FGGY: variants seen among roughly 807,000 people sequenced by gnomAD.
The protein encoded by FGGY is FGGY carbohydrate kinase domain-containing protein.
In FGGY, 72 loss-of-function variants were observed where a neutral mutation model predicts 71.3. That is an observed-to-expected ratio of 1.01 (90% CI 0.84 to 1.23). The LOEUF is 1.23. Ranked by LOEUF, FGGY falls within the 50% of genes most tolerant of loss-of-function variation. The probability of loss-of-function intolerance (pLI) is 0.00; values close to 1 mark genes in which losing one functional copy is unlikely to be tolerated. For synonymous variants in FGGY, 251 were observed against 250.3 expected (o/e 1.00, Z -0.02); for missense variants, 668 against 682.3 (o/e 0.98, Z 0.23).
intron 6 of FGGY, among the ~76,000 whole-genome samples, chr1:59,479,397 T>C (rs1185634388): frequency 2.0e-5 from 3 of 152,196 alleles, no homozygotes; most frequent in Admixed American, 2.0e-4. Context: ...GTCTGATTGC[T>C]GATAAGAAGA....
At chr1:59,757,097 G>A (rs956146724) in intron 14 of FGGY, among the ~76,000 whole-genome samples, 30 of 152,070 alleles carry the variant, frequency 2.0e-4, no homozygotes, top group Non-Finnish European at 1.2e-4. Context: ...TTCAATAGCC[G>A]TTCCTAAGAC....
In FGGY at chr1:59,698,879, T is replaced by C. The variant is rs2097686797; in HGVS notation, c.1512+24746T>C. 7 of 985,338 alleles carry C rather than the reference T, an allele frequency of 7.1e-6. No homozygotes were observed. The African/African-American group carries it at 1.0e-4, about 15-fold the overall frequency. The allele number at this position is 985,338 out of a possible 1,614,324, so 61.0% of individuals were successfully genotyped here. ...CTTAAATAATAATGAAACTGAATTG[T>C]ACATGTCGTATGTTTTATGTGGCAC... is the stretch of plus-strand genomic sequence containing the variant. On this transcript the variant is annotated intron_variant, in intron 14 of 15. Transcript: ENST00000303721.
At chr1:59,597,739 G>A (rs946696013) in intron 8 of FGGY, among the ~76,000 whole-genome samples, 1 of 152,214 alleles carries the variant, frequency 6.6e-6, no homozygotes, top group African/African-American at 2.4e-5. Context: ...AGGTCACACA[G>A]CAGAGACTCT....
intron 6 of FGGY, among the ~76,000 whole-genome samples, chr1:59,459,736 A>G (rs967750474): frequency 1.1e-4 from 17 of 152,354 alleles, no homozygotes; most frequent in African/African-American, 4.1e-4. Flanking sequence ...AAGATAAGCA[A>G]CATCCCACCT....
intron 5 of FGGY, among the ~76,000 whole-genome samples, chr1:59,447,068 T>C (rs935230505): frequency 6.6e-6 from 1 of 152,146 alleles, no homozygotes; most frequent in Admixed American, 6.5e-5. Flanking sequence ...ACCCTTTCGC[T>C]TTGTTTCTGA....
At chr1:59,753,477 T>C (rs1016123215) in intron 14 of FGGY, among the ~76,000 whole-genome samples, 1 of 69,828 alleles carries the variant, frequency 1.4e-5, no homozygotes, top group Non-Finnish European at 3.0e-5. Flanking sequence ...AATATATATA[T>C]ATATATATAT....
At chr1:59,508,226 A>G (rs2094441252) in intron 6 of FGGY, among the ~76,000 whole-genome samples, 2 of 152,098 alleles carry the variant, frequency 1.3e-5, no homozygotes, top group South Asian at 2.1e-4. Flanking sequence ...CCTTTCTAGC[A>G]TTTTCTACAT....
chr1:59,762,507 T>C lies in FGGY; in HGVS notation c.1579T>C (p.Tyr527His), dbSNP rs780271668. The C allele has an allele frequency of 4.3e-5, 69 of 1,611,678 alleles. No homozygotes were observed. The highest frequency in any genetic ancestry group is 5.4e-5 in the Non-Finnish European group (64 of 1,178,274). ...VFPRLQDKKY[Y>H]DKKYQVFLKL... Reference sequence around the variant, plus strand: ...ATATTTATATTTCTCCCACAGATACTATGATAAGAAATACCAAGTATTCCT... The same window carrying C: ...ATATTTATATTTCTCCCACAGATACCATGATAAGAAATACCAAGTATTCCT... The change falls in exon 16 of 16, where the codon TAT (tyrosine) becomes CAT (histidine). Residue 527 changes from tyrosine to histidine, a missense_variant. This residue lies in a region of FGGY where 661 missense variants were observed against 661.6 expected (regional missense o/e 1.00). Transcript: ENST00000303721.
intron 6 of FGGY, among the ~76,000 whole-genome samples, chr1:59,493,100 C>CACAA (rs2093924458): frequency 7.0e-6 from 1 of 143,052 alleles, no homozygotes; most frequent in Non-Finnish European, 1.5e-5. Context: ...AAACAAAACA[C>CACAA]ACACACACAC....
At chr1:59,298,527 TGTTA>T (rs2042302221) in intron 1 of FGGY, among the ~76,000 whole-genome samples, 1 of 152,244 alleles carries the variant, frequency 6.6e-6, no homozygotes, top group African/African-American at 2.4e-5. Flanking sequence ...TTCCAGGCTG[TGTTA>T]GTTTTTGTTG....
At chr1:59,344,549 A>G (rs2051385773) in intron 3 of FGGY, among the ~76,000 whole-genome samples, 1 of 152,158 alleles carries the variant, frequency 6.6e-6, no homozygotes, top group Non-Finnish European at 1.5e-5. Context: ...ATATGTGTAT[A>G]CCCACAACAA....
intron 2 of FGGY, among the ~76,000 whole-genome samples, chr1:59,338,825 G>C (rs923558325): frequency 1.3e-5 from 2 of 151,958 alleles, no homozygotes; most frequent in Non-Finnish European, 2.9e-5. Flanking sequence ...AATAAGATAC[G>C]TGCATTTTTA....
chr1:59,466,189 G>A (rs1449003440), intron 6 of FGGY, among the ~76,000 whole-genome samples: 1 of 152,140 alleles, frequency 6.6e-6, no homozygotes. Flanking sequence ...AGAGCCCTCA[G>A]AAATAACACC....
rs1054777331 is a variant in FGGY, at chr1:59,760,854, A to G, written c.1575-1649A>G. 2.0e-5 allele frequency among the ~76,000 whole-genome samples: 3 copies of G among 152,238 alleles called. No homozygotes were observed. In the East Asian group the frequency reaches 5.8e-4, roughly 29 times the overall value. ...TTGAGATTCTAAAGTCAAGAAATCT[A>G]TCTCATGTAGTGAAAGAATTCCTTA... On this transcript the variant is annotated intron_variant, in intron 15 of 15. Coordinates refer to ENST00000303721, the MANE Select transcript of FGGY (RefSeq NM_018291.5).
intron 9 of FGGY, among the ~76,000 whole-genome samples, chr1:59,615,372 C>G (rs1394113231): frequency 6.6e-6 from 1 of 152,092 alleles, no homozygotes; most frequent in Non-Finnish European, 1.5e-5. Flanking sequence ...TGATTTTTGA[C>G]AAATCTGACA....
In FGGY at chr1:59,499,299, G is replaced by GTTTT. The variant is rs58170089; in HGVS notation, c.671-12999_671-12996dup. Among the ~76,000 whole-genome samples the GTTTT allele has an allele frequency of 3.7e-4, 39 of 105,820 alleles. 4 individuals are homozygous for GTTTT. Among genetic ancestry groups the GTTTT allele is most frequent in the Non-Finnish European group, 5.4e-4 (29 of 54,068 alleles). 69.4% of individuals were successfully genotyped at this position (105,820 alleles called of 152,430 possible). On this transcript the variant is annotated intron_variant, in intron 6 of 15. Transcript: ENST00000303721. ...ACTGAACCCTATGTATACTATGTTTGTTTTTTTTTTTTTTTTGATCTGGTA... is the reference window on the plus strand; with the variant it reads ...ACTGAACCCTATGTATACTATGTTTGTTTTTTTTTTTTTTTTTTTTGATCTGGTA...
At position 59,367,302 on chromosome 1, in the gene FGGY, G is replaced by A. The variant is rs555582948; in HGVS notation, c.466-11447G>A. On this transcript the variant is annotated intron_variant, in intron 4 of 15. Transcript: ENST00000303721. The stretch of plus-strand genomic sequence containing the variant: ...TTATGACCTACTCCATGCTTCCAGC[G>A]TCATATTTCTTTTAAGAATGACATT... 1.1e-4 allele frequency among the ~76,000 whole-genome samples: 17 copies of A among 152,278 alleles called. No homozygotes were observed. The South Asian group carries it at 2.7e-3, about 24-fold the overall frequency.
chr1:59,441,324 C>T (rs2030480), intron 5 of FGGY, among the ~76,000 whole-genome samples: 53,771 of 151,806 alleles, frequency 0.35, 10,062 homozygotes, highest in Middle Eastern at 0.49. Context: ...AGTTTGGGCC[C>T]AATATTGGTT....
chr1:59,468,453 C>T (rs1049278963), intron 6 of FGGY, among the ~76,000 whole-genome samples: 1 of 152,134 alleles, frequency 6.6e-6, no homozygotes, highest in African/African-American at 2.4e-5. Context: ...GACTCCTTCA[C>T]AGAAGGAAAA....
Sources: gnomAD v4.1 joint callset for allele counts (sites outside exome capture counted in the v4.1 genomes callset) on GRCh38, gnomAD v4.1.1 for gene constraint, gnomAD v4.1.1 regional missense constraint, MANE v1.5 for transcripts, NCBI Gene and HGNC (gene_info 2026-07-23, HGNC 2026-07-21) for gene names.